ACP4: variants seen among roughly 807,000 people sequenced by gnomAD.
ACP4 encodes testicular acid phosphatase.
A neutral mutation model predicts 47.3 loss-of-function variants in ACP4; 49 were observed. That is an observed-to-expected ratio of 1.04 (90% CI 0.82 to 1.32). The LOEUF (loss-of-function observed/expected upper bound fraction) is 1.32. Ranked by LOEUF, ACP4 falls within the 40% of genes most tolerant of loss-of-function variation. ACP4 has a pLI of 0.00. For missense variants in ACP4, 594 were observed against 579.3 expected (o/e 1.03, Z -0.26); for synonymous variants, 299 against 265.3 (o/e 1.13, Z -1.23).
Position 50,793,523 on chromosome 19 carries a change from AAAC to A in ACP4, c.646-152_646-150del, listed in dbSNP as rs200459531. The A allele has an allele frequency of 1.9e-3, 2,183 of 1,130,360 alleles. 39 individuals carry two copies. The African/African-American group carries it at 0.029, about 15-fold the overall frequency. The allele number at this position is 1,130,360 out of a possible 1,614,324, so 70.0% of individuals were successfully genotyped here. ...GAGCAAGGCTCCGTTTCAAAACAAA[AAAC>A]AACAACAAAAAAACACTGTTATCCA... On this transcript the variant is annotated intron_variant, in intron 6 of 10. Coordinates refer to ENST00000270593, the MANE Select transcript of ACP4 (RefSeq NM_033068.3).
chr19:50,790,869 AT>A lies in ACP4; in HGVS notation c.303+10del. ...AGTACCGGCGGGAGGAGGTAGGGCC[AT>A]AGTGACCCCCACCTGGCCCCCTGAC... On this transcript the variant is annotated intron_variant, in intron 3 of 10. Coordinates refer to ENST00000270593, the MANE Select transcript of ACP4 (RefSeq NM_033068.3). The A allele has an allele frequency of 6.5e-7, 1 of 1,543,808 alleles. No individual in the cohort carries two copies. Among genetic ancestry groups the A allele is most frequent in the Admixed American group, 2.0e-5 (1 of 50,754 alleles).
Position 50,793,987 on chromosome 19 carries a change from C to T in ACP4, c.861+17C>T. On this transcript the variant is annotated intron_variant, in intron 8 of 10. Transcript: ENST00000270593. ...TACTCAGCTGTGAGTCCTTGGGAAG[C>T]AGTGCCACATGGCACTGAGGCACAG... 6 of 1,613,636 alleles carry T rather than the reference C, an allele frequency of 3.7e-6. No individual in the cohort carries two copies. Among genetic ancestry groups the T allele is most frequent in the Non-Finnish European group, 5.1e-6 (6 of 1,179,858 alleles).
At chr19:50,794,757 G>A (rs746041157) in intron 9 of ACP4, 29 bp from the exon 10 acceptor site, 8 of 1,577,960 alleles carry the variant, frequency 5.1e-6, no homozygotes, top group Middle Eastern at 1.7e-4. Flanking sequence ...ACAGGAGGGA[G>A]GAGGTGCCAC....
At chr19:50,794,363 A>C in intron 8 of ACP4, 94 bp from the exon 9 acceptor site, 1 of 1,536,942 alleles carries the variant, frequency 6.5e-7, no homozygotes, top group Non-Finnish European at 8.7e-7. Flanking sequence ...GTTGGTTCTA[A>C]GAAGCCTGGG....
chr19:50,794,087 C>A, intron 8 of ACP4, 117 bp downstream of exon 8: 1 of 1,222,840 alleles, frequency 8.2e-7, no homozygotes, highest in Non-Finnish European at 1.2e-6. Context: ...CCTGGGGTAA[C>A]CCGTATCTCC....
Position 50,790,465 on chromosome 19 carries a change from G to C in ACP4, c.51G>C (p.Leu17=). The C allele has an allele frequency of 1.9e-6, 3 of 1,576,588 alleles. No homozygotes were observed. Among genetic ancestry groups the C allele is most frequent in the Non-Finnish European group, 2.6e-6 (3 of 1,164,354 alleles). Residue 17 remains leucine, a synonymous_variant, in exon 1 of 11, where the codon CTG becomes CTC. Coordinates refer to ENST00000270593, the MANE Select transcript of ACP4 (RefSeq NM_033068.3). ...WGHPAGPLLL[L]LLLVLPPRAL... is the part of the protein sequence containing the mutation. The stretch of plus-strand genomic sequence containing the variant: ...ACCCTGCTGGACCTCTCCTGCTGCT[G>C]CTGCTGCTGGTGCTGCCACCCCGGG...
At chr19:50,792,197 G>A (rs1481057486) in intron 5 of ACP4, 26 bp downstream of exon 5, 1 of 1,611,078 alleles carries the variant, frequency 6.2e-7, no homozygotes, top group Non-Finnish European at 8.5e-7. Flanking sequence ...GTGGGGGGCG[G>A]GATGCAGGGG....
Position 50,794,886 on chromosome 19 carries a change from T to C in ACP4, c.1087T>C (p.Tyr363His), listed in dbSNP as rs1358960703. The change falls in exon 10 of 11, where the codon TAC (tyrosine) becomes CAC (histidine). Residue 363 changes from tyrosine (Y) to histidine (H), a missense_variant. Tyr to His is a moderately conservative substitution (Grantham distance 83). Transcript: ENST00000270593. ...GGCCCCCTGTCCACTAGGCCGCTTC[T>C]ACCAGCTGACTGCCCCGGCCCGGCC... ...CPAPCPLGRF[Y>H]QLTAPARPPA... 6.2e-7 allele frequency: 1 copy of C among 1,613,780 alleles called. No individual in the cohort carries two copies. Among genetic ancestry groups the C allele is most frequent in the Admixed American group, 1.7e-5 (1 of 59,986 alleles).
At chr19:50,790,887 CCCCCTGACCTCCCA>C (rs2089499145) in intron 3 of ACP4, 27 bp downstream of exon 3, 4 of 1,532,038 alleles carry the variant, frequency 2.6e-6, no homozygotes, top group Non-Finnish European at 2.6e-6. Context: ...CCCCACCTGG[CCCCCTGACCTCCCA>C]CCTGTGACCT....
chr19:50,792,275 C>T lies in ACP4; in HGVS notation c.583C>T (p.Leu195=), dbSNP rs1444526036. 12 of 1,613,414 alleles carry T rather than the reference C, an allele frequency of 7.4e-6. No homozygotes were observed. Among genetic ancestry groups the T allele is most frequent in the Non-Finnish European group, 6.8e-6 (8 of 1,180,024 alleles). ...FLSRLENFTG[L]SLVGEPLRRA... ...GAGTCGCCTGGAGAACTTCACGGGA[C>T]TGTCGCTGGTTGGAGAGCCACTGCG... Residue 195 remains leucine, a synonymous_variant, in exon 6 of 11, where the codon CTG becomes TTG. Coordinates refer to ENST00000270593, the MANE Select transcript of ACP4 (RefSeq NM_033068.3).
intron 8 of ACP4, 47 bp downstream of exon 8, chr19:50,794,017 G>A: frequency 1.2e-6 from 2 of 1,604,456 alleles, no homozygotes; most frequent in Non-Finnish European, 1.7e-6. Context: ...GCACAGGGAT[G>A]AGGGTGACAG....
chr19:50,794,923 G>A lies in ACP4; in HGVS notation c.1124G>A (p.Gly375Glu). ...LTAPARPPAH[G>E]VSCHGPYEAA... ...GCCCCGGCCCGGCCTCCCGCCCATG[G>A]GGTCTCCTGCCATGGCCCCTATGAG... Residue 375 changes from glycine to glutamate, a missense_variant, in exon 10 of 11, where the codon GGG (glycine) becomes GAG (glutamate). Transcript: ENST00000270593. The A allele has an allele frequency of 1.2e-6, 2 of 1,613,446 alleles. No individual in the cohort carries two copies. Among genetic ancestry groups the A allele is most frequent in the African/African-American group, 1.3e-5 (1 of 75,058 alleles).
chr19:50,792,064 T>C lies in ACP4; in HGVS notation c.451-9T>C, dbSNP rs1365380983. The C allele has an allele frequency of 2.6e-6, 4 of 1,567,536 alleles. No individual in the cohort carries two copies. The highest frequency in any genetic ancestry group is 3.5e-6 in the Non-Finnish European group (4 of 1,156,592). On this transcript the variant is annotated splice_polypyrimidine_tract_variant and intron_variant, in intron 4 of 10. Coordinates refer to ENST00000270593, the MANE Select transcript of ACP4 (RefSeq NM_033068.3). ...ACGGCTGTCCTCTCTGAGACTCAGT[T>C]TTCCCCAGCTGCTGAGGTTCCCCAT...
Position 50,790,544 on chromosome 19 carries a change from G to C in ACP4, c.111+19G>C, listed in dbSNP as rs1320127453. 1 of 1,540,870 alleles carries C rather than the reference G, an allele frequency of 6.5e-7. No homozygotes were observed. Among genetic ancestry groups the C allele is most frequent in the African/African-American group, 1.4e-5 (1 of 73,016 alleles). On this transcript the variant is annotated intron_variant, in intron 1 of 10. Transcript: ENST00000270593. ...GGCTCTGGTGAGGCGCCCCCACCCCGGCCTGCCCTTAGCTCCCCCAGGGCT... is the reference window on the plus strand; with the variant it reads ...GGCTCTGGTGAGGCGCCCCCACCCCCGCCTGCCCTTAGCTCCCCCAGGGCT...
chr19:50,793,764 T>C lies in ACP4; in HGVS notation c.726T>C (p.Ile242=), dbSNP rs1568465531. ...TTGCCCAGATCTCGGCTTTGGATATTGGAGCCCACGTGGGCCCACCCCGGG... is the reference window on the plus strand; with the variant it reads ...TTGCCCAGATCTCGGCTTTGGATATCGGAGCCCACGTGGGCCCACCCCGGG... ...RTLAQISALD[I]GAHVGPPRAA... Residue 242 remains isoleucine, a synonymous_variant, in exon 7 of 11, where the codon ATT becomes ATC. Coordinates refer to ENST00000270593, the MANE Select transcript of ACP4 (RefSeq NM_033068.3). The C allele has an allele frequency of 1.2e-6, 2 of 1,613,722 alleles. No homozygotes were observed. Among genetic ancestry groups the C allele is most frequent in the Non-Finnish European group, 1.7e-6 (2 of 1,180,034 alleles).
chr19:50,793,901 T>C lies in ACP4; in HGVS notation c.792T>C (p.Asn264=). Residue 264 remains asparagine (N), a synonymous_variant, in exon 8 of 11, where the codon AAT becomes AAC. Coordinates refer to ENST00000270593, the MANE Select transcript of ACP4 (RefSeq NM_033068.3). ...KAQLTGGILL[N]AILANFSRVQ... ...TCCCATCCTCAGGGATCCTGCTGAA[T>C]GCTATCCTTGCAAACTTCTCCCGGG... The C allele has an allele frequency of 6.2e-7, 1 of 1,614,162 alleles. No individual in the cohort carries two copies. The highest frequency in any genetic ancestry group is 1.1e-5 in the South Asian group (1 of 91,088).
In ACP4 at chr19:50,792,299, C is replaced by A. The variant is rs765760900; in HGVS notation, c.607C>A (p.Arg203Ser). 7 of 1,613,356 alleles carry A rather than the reference C, an allele frequency of 4.3e-6. 1 individual carries two copies. In the South Asian group the frequency reaches 6.6e-5, roughly 15 times the overall value. Residue 203 changes from arginine (R) to serine (S), a missense_variant, in exon 6 of 11, where the codon CGC (arginine) becomes AGC (serine). By Grantham distance (110) the Arg-to-Ser change is moderately radical (BLOSUM62 -1). Transcript: ENST00000270593. ...TGLSLVGEPLRRAWKVLDTLM... is the reference protein window; with the variant it reads ...TGLSLVGEPLSRAWKVLDTLM... ...ACTGTCGCTGGTTGGAGAGCCACTG[C>A]GCAGGGCATGGAAGGTTCTGGACAC...
chr19:50,793,416 G>A, intron 6 of ACP4: 1 of 458,050 alleles, frequency 2.2e-6, no homozygotes, highest in Non-Finnish European at 3.9e-6. Flanking sequence ...TTGGGAGGCT[G>A]AGGCAGGAGA....
rs992164531 is a variant in ACP4 at position 50,790,872 on chromosome 19, G to C, written c.303+12G>C. ...ACCGGCGGGAGGAGGTAGGGCCATA[G>C]TGACCCCCACCTGGCCCCCTGACCT... On this transcript the variant is annotated intron_variant, in intron 3 of 10. Transcript: ENST00000270593. 1 of 1,543,156 alleles carries C rather than the reference G, an allele frequency of 6.5e-7. No individual in the cohort carries two copies. Among genetic ancestry groups the C allele is most frequent in the African/African-American group, 1.4e-5 (1 of 72,904 alleles).
Sources: allele counts gnomAD v4.1 joint callset, GRCh38; gene constraint gnomAD v4.1.1; transcripts MANE v1.5; gene names NCBI Gene and HGNC (gene_info 2026-07-23, HGNC 2026-07-21).